SPOCK3: variants seen among roughly 807,000 people sequenced by gnomAD.
SPOCK3 encodes the protein SPARC (osteonectin), cwcv and kazal like domains proteoglycan 3, also known as testican-3.
In SPOCK3, 30 loss-of-function variants were observed where a neutral mutation model predicts 56.6. The ratio of observed to expected loss-of-function variants is 0.53; its 90% CI spans 0.40 to 0.72. SPOCK3 has a LOEUF of 0.72. SPOCK3 is among the 30% of genes least tolerant of loss of function. The pLI, the probability that SPOCK3 is intolerant of heterozygous loss-of-function variation, is 0.00. For missense variants in SPOCK3, 527 were observed against 530.0 expected, an observed-to-expected ratio of 0.99 and a Z score of 0.06; for synonymous variants, 196 against 183.3, an observed-to-expected ratio of 1.07 and a Z score of -0.56.
intron 1 of SPOCK3, 122 bp from the exon 2 acceptor site, chr4:167,234,295 A>C: frequency 1.1e-6 from 1 of 926,292 alleles, no homozygotes; most frequent in Non-Finnish European, 1.6e-6. Flanking sequence ...AGGAGGAGAC[A>C]AGCAGAGGCA....
At chr4:166,834,057 G>A (rs1461727868) in intron 6 of SPOCK3, among the ~76,000 whole-genome samples, 1 of 152,128 alleles carries the variant, frequency 6.6e-6, no homozygotes, top group Non-Finnish European at 1.5e-5. Flanking sequence ...CAAGAATCAA[G>A]AGTTTTTTTC....
At chr4:166,744,024 A>G (rs1028100369) in intron 8 of SPOCK3, among the ~76,000 whole-genome samples, 4 of 152,162 alleles carry the variant, frequency 2.6e-5, no homozygotes, top group African/African-American at 9.6e-5. Context: ...TCCACCTCTG[A>G]GGGCAGGGCA....
chr4:167,057,874 T>TGTTAA (rs1191792156), intron 3 of SPOCK3, among the ~76,000 whole-genome samples: 1 of 152,146 alleles, frequency 6.6e-6, no homozygotes, highest in African/African-American at 2.4e-5. Flanking sequence ...ATTAGACAGA[T>TGTTAA]CAACAAGACA....
chr4:167,227,713 C>T (rs1736732744), intron 2 of SPOCK3, among the ~76,000 whole-genome samples: 1 of 152,086 alleles, frequency 6.6e-6, no homozygotes. Flanking sequence ...AGTCAAAGAT[C>T]AGCCTTTAAA....
At position 166,751,895 on chromosome 4, in the gene SPOCK3, C is replaced by A. The variant is rs546128044; in HGVS notation, c.931+2613G>T. Among the ~76,000 whole-genome samples the A allele has an allele frequency of 4.4e-4, 67 of 152,240 alleles. 2 individuals carry two copies. Among genetic ancestry groups the A allele is most frequent in the Admixed American group, 2.7e-3 (41 of 15,276 alleles). ...GAATTCTACAAATTACAACCATGTT[C>A]ATTTTGTATTGCTTAATTGTCATGA... On this transcript the variant is annotated intron_variant, in intron 8 of 10. Coordinates refer to ENST00000357545, the MANE Select transcript of SPOCK3 (RefSeq NM_001040159.2).
chr4:167,129,745 C>T (rs1374817433), intron 2 of SPOCK3, among the ~76,000 whole-genome samples: 1 of 151,998 alleles, frequency 6.6e-6, no homozygotes, highest in Non-Finnish European at 1.5e-5. Flanking sequence ...TTGTATTTCA[C>T]AGTGAAAGAA....
chr4:166,794,619 TC>T (rs1741712785), intron 6 of SPOCK3, among the ~76,000 whole-genome samples: 1 of 151,554 alleles, frequency 6.6e-6, no homozygotes. Context: ...TGTTTCTTTT[TC>T]TTTTTTTTTT....
intron 4 of SPOCK3, among the ~76,000 whole-genome samples, chr4:166,926,493 G>A (rs1374867781): frequency 6.6e-6 from 1 of 152,074 alleles, no homozygotes; most frequent in Non-Finnish European, 1.5e-5. Flanking sequence ...CAATGGGAAG[G>A]TTTGATACCT....
chr4:167,103,235 T>C (rs887857980), intron 2 of SPOCK3, among the ~76,000 whole-genome samples: 2 of 152,092 alleles, frequency 1.3e-5, no homozygotes, highest in Non-Finnish European at 2.9e-5. Flanking sequence ...AGTAAGATTT[T>C]TGAGAAATGC....
chr4:166,959,443 T>A (rs1345235254), intron 4 of SPOCK3, among the ~76,000 whole-genome samples: 2 of 151,884 alleles, frequency 1.3e-5, no homozygotes, highest in Non-Finnish European at 2.9e-5. Context: ...CGAAACCCCA[T>A]CTCTACTAAA....
At chr4:167,163,160 T>C (rs567186079) in intron 2 of SPOCK3, among the ~76,000 whole-genome samples, 75 of 139,670 alleles carry the variant, frequency 5.4e-4, no homozygotes, top group African/African-American at 1.7e-3. Flanking sequence ...GTTTTTTTGT[T>C]GGGGGATTTT....
At chr4:167,001,594 G>C (rs936714674) in intron 3 of SPOCK3, among the ~76,000 whole-genome samples, 2 of 152,040 alleles carry the variant, frequency 1.3e-5, no homozygotes, top group African/African-American at 2.4e-5. Context: ...ATTGGTGATC[G>C]TTCATGGTTA....
rs562961908 is a variant in SPOCK3, at chr4:167,054,498, G to A, written c.235+7994C>T. Reference sequence around the variant, plus strand: ...ATGTCCTCATCAAAACAATTTTTCAGGTAATTTCTGTCATGTCAACTCATG... The same window carrying A: ...ATGTCCTCATCAAAACAATTTTTCAAGTAATTTCTGTCATGTCAACTCATG... On this transcript the variant is annotated intron_variant, in intron 3 of 10. Transcript: ENST00000357545. Among the ~76,000 whole-genome samples the A allele has an allele frequency of 6.7e-4, 102 of 152,194 alleles. 1 individual carries two copies. The highest frequency in any genetic ancestry group is 2.4e-3 in the African/African-American group (99 of 41,514).
rs149271046 is a variant in SPOCK3 at position 166,774,823 on chromosome 4, G to T, written c.709+17347C>A. Among the ~76,000 whole-genome samples the T allele has an allele frequency of 2.9e-3, 446 of 151,886 alleles. 7 individuals are homozygous for T. Among genetic ancestry groups the T allele is most frequent in the African/African-American group, 9.9e-3 (410 of 41,566 alleles). On this transcript the variant is annotated intron_variant, in intron 7 of 10. Transcript: ENST00000357545. ...TCCTTATAGGAATGGTGGAATCATAGCATAGCTCTTTCCAAAGAAACCTTC... is the reference window on the plus strand; with the variant it reads ...TCCTTATAGGAATGGTGGAATCATATCATAGCTCTTTCCAAAGAAACCTTC...
At chr4:167,116,899 TTGTG>T (rs113398017) in intron 2 of SPOCK3, among the ~76,000 whole-genome samples, 1,487 of 126,556 alleles carry the variant, frequency 0.012, 24 homozygotes, top group African/African-American at 0.03. Context: ...ATATATACTT[TTGTG>T]TGTGTGTGTG....
chr4:166,791,448 G>A (rs944877002), intron 7 of SPOCK3, among the ~76,000 whole-genome samples: 1 of 152,000 alleles, frequency 6.6e-6, no homozygotes, highest in Non-Finnish European at 1.5e-5. Context: ...CCCTTTTCTT[G>A]TGTTTTGGAG....
intron 2 of SPOCK3, among the ~76,000 whole-genome samples, chr4:167,092,929 TC>T (rs1417068865): frequency 2.6e-4 from 39 of 152,348 alleles, no homozygotes; most frequent in Admixed American, 7.2e-4. Context: ...AGCGAGTTTT[TC>T]ATTTGTCTAT....
At chr4:166,914,385 AAATTTCTCTTATAAATAT>A (rs1737613932) in intron 4 of SPOCK3, among the ~76,000 whole-genome samples, 1 of 151,924 alleles carries the variant, frequency 6.6e-6, no homozygotes, top group African/African-American at 2.4e-5. Flanking sequence ...TTGTATTAAT[AAATTTCTCTTATAAATAT>A]AACATTTATG....
chr4:167,024,922 G>A (rs1580037067), intron 3 of SPOCK3, among the ~76,000 whole-genome samples: 1 of 151,850 alleles, frequency 6.6e-6, no homozygotes, highest in African/African-American at 2.4e-5. Context: ...TTTATTATTT[G>A]TGCCTCTTAA....
Sources: allele counts gnomAD v4.1 joint callset (sites outside exome capture counted in the v4.1 genomes callset), GRCh38; gene constraint gnomAD v4.1.1; transcripts MANE v1.5; gene names NCBI Gene and HGNC (gene_info 2026-07-23, HGNC 2026-07-21).